RNF13: variants seen among roughly 807,000 people sequenced by gnomAD.
The protein encoded by RNF13 is ring finger protein 13, also known as E3 ubiquitin-protein ligase RNF13.
RNF13 carries 19 observed loss-of-function variants against 37.7 expected under a neutral mutation model. The ratio of observed to expected loss-of-function variants is 0.50; its 90% CI spans 0.35 to 0.74. The LOEUF (loss-of-function observed/expected upper bound fraction) is 0.74. RNF13 is among the 30% of genes least tolerant of loss of function. The probability of loss-of-function intolerance (pLI) is 0.01; values close to 1 mark genes in which losing one functional copy is unlikely to be tolerated. For missense variants in RNF13, 375 were observed against 453.0 expected (o/e 0.83, Z 1.56); for synonymous variants, 144 against 157.8 (o/e 0.91, Z 0.65).
chr3:149,939,433 G>T (rs539597362), intron 8 of RNF13: 2 of 541,110 alleles, frequency 3.7e-6, no homozygotes, highest in East Asian at 4.6e-5. Flanking sequence ...TTCTGACTCT[G>T]CATCTTCCTC....
At chr3:149,871,023 G>A (rs1711979823) in intron 3 of RNF13, among the ~76,000 whole-genome samples, 1 of 146,818 alleles carries the variant, frequency 6.8e-6, no homozygotes, top group Non-Finnish European at 1.5e-5. Context: ...TTCTGTTTTA[G>A]TCTGTTACCA....
chr3:149,879,881 C>A (rs1431643963), intron 4 of RNF13, among the ~76,000 whole-genome samples: 1 of 152,156 alleles, frequency 6.6e-6, no homozygotes, highest in Non-Finnish European at 1.5e-5. Context: ...CTTTTTGCTA[C>A]ATTATACTGT....
intron 6 of RNF13, among the ~76,000 whole-genome samples, 174 bp from the exon 7 acceptor site, chr3:149,911,804 T>C (rs1215769134): frequency 6.6e-6 from 1 of 152,232 alleles, no homozygotes; most frequent in Non-Finnish European, 1.5e-5. Flanking sequence ...CTTAAAGATG[T>C]AGAAAGCATT....
intron 1 of RNF13, among the ~76,000 whole-genome samples, chr3:149,837,532 T>C (rs531589394): frequency 6.6e-6 from 1 of 152,126 alleles, no homozygotes; most frequent in Non-Finnish European, 1.5e-5. Context: ...GGCCTCACAA[T>C]CATGGCAGAG....
chr3:149,835,880 T>C (rs113000824), intron 1 of RNF13, among the ~76,000 whole-genome samples: 7 of 117,218 alleles, frequency 6.0e-5, no homozygotes, highest in East Asian at 2.0e-4. Context: ...ATTGCTGGAT[T>C]CCCAGTACTG....
In RNF13 at chr3:149,958,159, T is replaced by G. The variant is rs1722040105; in HGVS notation, c.701-1897T>G. Among the ~76,000 whole-genome samples the G allele has an allele frequency of 2.6e-5, 4 of 152,244 alleles. No individual in the cohort carries two copies. The South Asian group carries it at 8.3e-4, about 31-fold the overall frequency. ...ATACCTGTATTAGTTTCCTATTTAT[T>G]TGATAACAAATCAACAAAAGCTTAA... On this transcript the variant is annotated intron_variant, in intron 8 of 9. Coordinates refer to ENST00000392894, the MANE Select transcript of RNF13 (RefSeq NM_183381.3).
chr3:149,936,571 A>AT (rs1189172936), intron 8 of RNF13, among the ~76,000 whole-genome samples: 2 of 151,696 alleles, frequency 1.3e-5, no homozygotes, highest in Non-Finnish European at 2.9e-5. Flanking sequence ...TATTTTTTTA[A>AT]TTTTTTAATC....
At chr3:149,925,721 T>TA (rs1019989067) in intron 8 of RNF13, among the ~76,000 whole-genome samples, 19 of 152,200 alleles carry the variant, frequency 1.2e-4, no homozygotes, top group African/African-American at 4.6e-4. Flanking sequence ...CTTTAGCATA[T>TA]ATACCTAGAA....
intron 4 of RNF13, among the ~76,000 whole-genome samples, chr3:149,876,610 G>A (rs934822131): frequency 5.9e-5 from 9 of 151,922 alleles, no homozygotes; most frequent in African/African-American, 2.2e-4. Flanking sequence ...TATGTGCTGA[G>A]CAGTCTCTCC....
At chr3:149,916,622 T>C (rs1169245300) in intron 7 of RNF13, among the ~76,000 whole-genome samples, 1 of 152,190 alleles carries the variant, frequency 6.6e-6, no homozygotes, top group East Asian at 1.9e-4. Context: ...TCTGGTTGTA[T>C]GTCTGGTTGT....
intron 3 of RNF13, among the ~76,000 whole-genome samples, chr3:149,870,565 T>C (rs1711915061): frequency 6.6e-6 from 1 of 151,872 alleles, no homozygotes; most frequent in Non-Finnish European, 1.5e-5. Flanking sequence ...AAATATTTCC[T>C]ACACTATATG....
At chr3:149,897,888 C>A (rs1321455004) in intron 5 of RNF13, among the ~76,000 whole-genome samples, 3 of 152,204 alleles carry the variant, frequency 2.0e-5, no homozygotes, top group South Asian at 2.1e-4. Flanking sequence ...AAGGAATATA[C>A]CAATTTTTAT....
chr3:149,945,305 C>T (rs1005298083), intron 8 of RNF13, among the ~76,000 whole-genome samples: 7 of 151,952 alleles, frequency 4.6e-5, no homozygotes, highest in African/African-American at 1.5e-4. Flanking sequence ...CTTTTTTGAG[C>T]CTTGGTCATT....
chr3:149,925,987 C>T (rs73157020), intron 8 of RNF13, among the ~76,000 whole-genome samples: 4,630 of 152,114 alleles, frequency 0.03, 102 homozygotes, highest in Non-Finnish European at 0.044. Flanking sequence ...CATTATTTGC[C>T]AGTTGGATTT....
At chr3:149,945,694 G>A (rs1576583118) in intron 8 of RNF13, among the ~76,000 whole-genome samples, 1 of 152,126 alleles carries the variant, frequency 6.6e-6, no homozygotes, top group Non-Finnish European at 1.5e-5. Context: ...CACCCCACAC[G>A]GCCAGGTACC....
chr3:149,954,422 C>T (rs1559975607), intron 8 of RNF13, among the ~76,000 whole-genome samples: 1 of 152,012 alleles, frequency 6.6e-6, no homozygotes, highest in Non-Finnish European at 1.5e-5. Context: ...TCCTTACCCA[C>T]CCACCTGCAA....
chr3:149,837,553 A>G (rs541550101), intron 1 of RNF13, among the ~76,000 whole-genome samples: 1 of 152,322 alleles, frequency 6.6e-6, no homozygotes, highest in African/African-American at 2.4e-5. Context: ...GGTGAAAGGC[A>G]CGTCTCACAT....
At chr3:149,852,701 T>C in intron 3 of RNF13, 105 bp downstream of exon 3, 1 of 527,380 alleles carries the variant, frequency 1.9e-6, no homozygotes, top group South Asian at 3.9e-5. Flanking sequence ...TTTATTATTA[T>C]AAAGCCTATA....
intron 1 of RNF13, among the ~76,000 whole-genome samples, chr3:149,824,540 T>G (rs1318939704): frequency 6.6e-6 from 1 of 152,168 alleles, no homozygotes; most frequent in Non-Finnish European, 1.5e-5. Flanking sequence ...AGTATAACAA[T>G]CAAATTGTTG....
Sources: allele counts gnomAD v4.1 joint callset (sites outside exome capture counted in the v4.1 genomes callset), GRCh38; gene constraint gnomAD v4.1.1; transcripts MANE v1.5; gene names NCBI Gene and HGNC (gene_info 2026-07-23, HGNC 2026-07-21).